C11orf65: variants seen among roughly 807,000 people sequenced by gnomAD.
The protein encoded by C11orf65 is protein MFI.
In C11orf65, 38 loss-of-function variants were observed where a neutral mutation model predicts 35.3. The ratio of observed to expected loss-of-function variants is 1.08; its 90% CI spans 0.83 to 1.41. C11orf65 has a LOEUF of 1.41. Among genes scored for constraint, C11orf65 ranks in the 40% most tolerant of loss-of-function variants. C11orf65 has a pLI of 0.00. For missense variants in C11orf65, 370 were observed against 367.1 expected, an observed-to-expected ratio of 1.01 and a Z score of -0.06; for synonymous variants, 105 against 114.4, an observed-to-expected ratio of 0.92 and a Z score of 0.53.
intron 1 of C11orf65, among the ~76,000 whole-genome samples, chr11:108,462,912 G>A (rs2093489272): frequency 6.6e-6 from 1 of 152,152 alleles, no homozygotes; most frequent in African/African-American, 2.4e-5. Flanking sequence ...TTGAGGCCAG[G>A]AGTTCAACAC....
At chr11:108,332,732 TATGTA>T in intron 3 of C11orf65, 1 of 1,604,614 alleles carries the variant, frequency 6.2e-7, no homozygotes, top group Non-Finnish European at 8.5e-7. Flanking sequence ...GGTAGTTCCT[TATGTA>T]ATGTTTTTTG....
At chr11:108,435,794 TAA>T (rs1200327667) in intron 2 of C11orf65, among the ~76,000 whole-genome samples, 3 of 152,314 alleles carry the variant, frequency 2.0e-5, no homozygotes. Flanking sequence ...AAAACAAATG[TAA>T]AGTGTGTTAA....
chr11:108,408,901 C>T (rs911941294), intron 3 of C11orf65, among the ~76,000 whole-genome samples: 1 of 151,810 alleles, frequency 6.6e-6, no homozygotes, highest in African/African-American at 2.4e-5. Context: ...CCTATAGAGT[C>T]TTAAAGACAA....
intron 2 of C11orf65, among the ~76,000 whole-genome samples, chr11:108,364,552 C>G (rs1237157127): frequency 1.3e-5 from 2 of 152,140 alleles, no homozygotes. Flanking sequence ...CTTTCTGGAT[C>G]CACCCAGATT....
At chr11:108,456,372 C>T (rs146686148) in intron 2 of C11orf65, among the ~76,000 whole-genome samples, 2 of 152,168 alleles carry the variant, frequency 1.3e-5, no homozygotes, top group East Asian at 3.9e-4. Context: ...GAGATGGATA[C>T]TATATATCAA....
chr11:108,396,834 A>AAAATAAATAAATAAAT (rs370728924), intron 6 of C11orf65, among the ~76,000 whole-genome samples: 40 of 137,414 alleles, frequency 2.9e-4, no homozygotes, highest in East Asian at 6.4e-4. Flanking sequence ...ACTCCGTCTT[A>AAAATAAATAAATAAAT]AAATAAATAA....
intron 2 of C11orf65, among the ~76,000 whole-genome samples, chr11:108,376,378 G>A (rs530150923): frequency 1.3e-5 from 2 of 151,940 alleles, no homozygotes; most frequent in East Asian, 1.9e-4. Flanking sequence ...CTCCTGAATG[G>A]GTACAGTACA....
At chr11:108,407,406 G>A (rs535073581) in intron 3 of C11orf65, among the ~76,000 whole-genome samples, 2 of 150,686 alleles carry the variant, frequency 1.3e-5, no homozygotes, top group Admixed American at 6.6e-5. Context: ...TAACCTCCTG[G>A]GCTCAAGCGA....
rs774749608 is a variant in C11orf65 at position 108,385,952 on chromosome 11, A to G, written c.755T>C (p.Ile252Thr). The G allele has an allele frequency of 6.2e-7, 1 of 1,613,950 alleles. No individual in the cohort carries two copies. Among genetic ancestry groups the G allele is most frequent in the South Asian group, 1.1e-5 (1 of 91,046 alleles). Residue 252 changes from isoleucine (I) to threonine (T), a missense_variant, in exon 8 of 9, where the codon ATT (isoleucine) becomes ACT (threonine). By Grantham distance (89) the Ile-to-Thr change is moderately conservative. Transcript: ENST00000393084. Reference protein sequence around the residue: ...FDEYIASWKEIATSNSSANFK... With the variant: ...FDEYIASWKETATSNSSANFK... The stretch of plus-strand genomic sequence containing the variant: ...GTTAGCCGAAGAGTTGCTTGTAGCA[A>G]TTTCCTTCCAGCTGGCAATGTACCT...
intron 2 of C11orf65, chr11:108,343,284 T>C: frequency 6.2e-7 from 1 of 1,614,016 alleles, no homozygotes. Flanking sequence ...TCCCCATTGG[T>C]GAATTTCTTG....
chr11:108,403,866 T>G (rs11212610), intron 6 of C11orf65, among the ~76,000 whole-genome samples: 1 of 151,952 alleles, frequency 6.6e-6, no homozygotes, highest in Non-Finnish European at 1.5e-5. Flanking sequence ...CCAGGCTGGA[T>G]AGTGCGAGGA....
intron 2 of C11orf65, among the ~76,000 whole-genome samples, chr11:108,363,721 A>C (rs1334864296): frequency 6.6e-6 from 1 of 152,176 alleles, no homozygotes; most frequent in Admixed American, 6.5e-5. Context: ...TACTGTTTCC[A>C]ACCACTTCTG....
chr11:108,357,611 C>G (rs1404211182), intron 2 of C11orf65, among the ~76,000 whole-genome samples: 3 of 152,208 alleles, frequency 2.0e-5, no homozygotes, highest in Admixed American at 1.3e-4. Flanking sequence ...AACAGGCAGA[C>G]TGCCTCCTCA....
chr11:108,418,307 C>A lies in C11orf65; in HGVS notation c.175-11158G>T, dbSNP rs1283986918. Among the ~76,000 whole-genome samples the A allele has an allele frequency of 2.6e-5, 4 of 152,024 alleles. No homozygotes were observed. The South Asian group carries it at 8.3e-4, about 31-fold the overall frequency. On this transcript the variant is annotated intron_variant, in intron 3 of 8. Coordinates refer to ENST00000393084, the MANE Select transcript of C11orf65 (RefSeq NM_152587.5). ...GCTCAATAACTAAAAAATATATATT[C>A]TTTTCAAGTACAGATAAAAATTTAT...
chr11:108,345,618 T>C (rs2088236109), intron 2 of C11orf65: 1 of 749,082 alleles, frequency 1.3e-6, no homozygotes, highest in Non-Finnish European at 2.1e-6. Context: ...GTTAGCTTCT[T>C]GTAGGTAATG....
chr11:108,422,210 G>A (rs1364904361), intron 3 of C11orf65, among the ~76,000 whole-genome samples: 3 of 152,152 alleles, frequency 2.0e-5, no homozygotes, highest in African/African-American at 7.2e-5. Flanking sequence ...TTACAGGCGT[G>A]AGCCACCGCG....
At chr11:108,360,112 A>G (rs548560604) in intron 2 of C11orf65, among the ~76,000 whole-genome samples, 2 of 151,572 alleles carry the variant, frequency 1.3e-5, no homozygotes, top group South Asian at 2.1e-4. Flanking sequence ...GATAAAGGGG[A>G]TATCACCACC....
At chr11:108,365,002 T>C (rs2137857367) in intron 2 of C11orf65, 4 of 1,520,986 alleles carry the variant, frequency 2.6e-6, no homozygotes, top group Non-Finnish European at 3.6e-6. Flanking sequence ...GGCTTATTTG[T>C]ATGATACTGG....
At chr11:108,421,411 T>G (rs1048075099) in intron 3 of C11orf65, among the ~76,000 whole-genome samples, 1 of 152,070 alleles carries the variant, frequency 6.6e-6, no homozygotes, top group Non-Finnish European at 1.5e-5. Flanking sequence ...ATCCCAGAAC[T>G]TTGGGAGGCC....
Sources: allele counts gnomAD v4.1 joint callset (sites outside exome capture counted in the v4.1 genomes callset), GRCh38; gene constraint gnomAD v4.1.1; transcripts MANE v1.5; gene names NCBI Gene and HGNC (gene_info 2026-07-23, HGNC 2026-07-21).